Variants in STK39 observed in about 807,000 individuals in gnomAD.
STK39 encodes serine/threonine kinase 39.
Under a neutral mutation model 77.8 loss-of-function variants are expected in STK39, and 20 were observed. The ratio of observed to expected loss-of-function variants is 0.26; its 90% CI spans 0.18 to 0.37. The LOEUF (loss-of-function observed/expected upper bound fraction) is 0.37. STK39 is among the 10% of genes least tolerant of loss of function. The probability of loss-of-function intolerance (pLI) is 1.00; values close to 1 mark genes in which losing one functional copy is unlikely to be tolerated. For missense variants in STK39, 479 were observed against 656.5 expected (o/e 0.73, Z 2.95); for synonymous variants, 246 against 234.1 (o/e 1.05, Z -0.47).
chr2:168,017,190 T>TTA, intron 14 of STK39, 95 bp from the exon 15 acceptor site: 1 of 745,906 alleles, frequency 1.3e-6, no homozygotes, highest in Non-Finnish European at 2.1e-6. Context: ...TACTAACATG[T>TTA]GGATAACATT....
intron 14 of STK39, among the ~76,000 whole-genome samples, chr2:168,024,667 C>T (rs1684652863): frequency 6.6e-6 from 1 of 152,178 alleles, no homozygotes; most frequent in South Asian, 2.1e-4. Context: ...TTACGAATTA[C>T]CCAGTCTATG....
chr2:168,145,882 G>T (rs1688124471), intron 5 of STK39, among the ~76,000 whole-genome samples: 1 of 152,128 alleles, frequency 6.6e-6, no homozygotes, highest in African/African-American at 2.4e-5. Context: ...GTCCAAAGGG[G>T]TTATTATTAG....
intron 16 of STK39, among the ~76,000 whole-genome samples, chr2:167,993,917 T>C (rs1683766312): frequency 6.6e-6 from 1 of 152,236 alleles, no homozygotes; most frequent in African/African-American, 2.4e-5. Flanking sequence ...CTAGGAATGA[T>C]ATATTCCATT....
chr2:168,005,639 C>T (rs995789514), intron 16 of STK39, among the ~76,000 whole-genome samples: 4 of 152,066 alleles, frequency 2.6e-5, no homozygotes, highest in Admixed American at 6.6e-5. Context: ...CCTAAAGATG[C>T]CTTCAGCCTC....
In STK39 at chr2:168,063,546, A is replaced by C. The variant is rs1213082386; in HGVS notation, c.1330T>G (p.Tyr444Asp). The part of the protein sequence containing the change: ...SQGPPNANED[Y>D]REASSCAVNL... ...ACGGCACAAGAAGAAGCTTCTCTGT[A>C]GTCTTCATTAGCATTGGGTGGGCCC... The change falls in exon 14 of 18, where the codon TAC becomes GAC. Residue 444 changes from tyrosine to aspartate, a missense_variant. Coordinates refer to ENST00000355999, the MANE Select transcript of STK39 (RefSeq NM_013233.3). The C allele has an allele frequency of 3.1e-6, 5 of 1,613,104 alleles. No homozygotes were observed. In the Admixed American group the frequency reaches 8.3e-5, roughly 27 times the overall value.
intron 1 of STK39, among the ~76,000 whole-genome samples, chr2:168,246,646 C>G (rs1041830032): frequency 1.1e-4 from 16 of 152,306 alleles, no homozygotes; most frequent in Admixed American, 9.1e-4. Context: ...GGAGTGGCGG[C>G]TGTCAGGAAG....
At chr2:168,141,080 A>G (rs569975734) in intron 5 of STK39, among the ~76,000 whole-genome samples, 1 of 152,338 alleles carries the variant, frequency 6.6e-6, no homozygotes, top group African/African-American at 2.4e-5. Context: ...GAGTATGTCC[A>G]TATGCAAAAA....
intron 1 of STK39, among the ~76,000 whole-genome samples, chr2:168,244,982 T>C (rs891451857): frequency 2.0e-5 from 3 of 152,194 alleles, no homozygotes; most frequent in Non-Finnish European, 4.4e-5. Context: ...ATTTTATTAG[T>C]TCACAAAAAA....
intron 1 of STK39, among the ~76,000 whole-genome samples, chr2:168,220,717 C>G (rs1465001613): frequency 6.6e-6 from 1 of 152,134 alleles, no homozygotes; most frequent in East Asian, 1.9e-4. Flanking sequence ...TAACAGTTCT[C>G]CATTAAATGC....
chr2:168,157,996 G>A (rs904768632), intron 5 of STK39, among the ~76,000 whole-genome samples: 1 of 152,058 alleles, frequency 6.6e-6, no homozygotes, highest in African/African-American at 2.4e-5. Context: ...ATGAATTTCT[G>A]TTTGCTCAAA....
At chr2:167,985,276 A>G (rs1289651068) in intron 16 of STK39, among the ~76,000 whole-genome samples, 1 of 152,242 alleles carries the variant, frequency 6.6e-6, no homozygotes, top group African/African-American at 2.4e-5. Flanking sequence ...TATTGCAAAG[A>G]AGATAAACAA....
chr2:168,212,073 T>A (rs1689904584), intron 1 of STK39, among the ~76,000 whole-genome samples: 1 of 152,164 alleles, frequency 6.6e-6, no homozygotes, highest in Non-Finnish European at 1.5e-5. Flanking sequence ...TTAAAAAATA[T>A]CTCATCCAGT....
chr2:168,144,678 A>C (rs1417788371), intron 5 of STK39, among the ~76,000 whole-genome samples: 1 of 151,978 alleles, frequency 6.6e-6, no homozygotes, highest in East Asian at 1.9e-4. Context: ...TCTTTATAAC[A>C]ACTGTTAGGT....
intron 16 of STK39, among the ~76,000 whole-genome samples, chr2:167,977,416 G>T (rs1332125108): frequency 6.6e-6 from 1 of 152,058 alleles, no homozygotes; most frequent in East Asian, 1.9e-4. Flanking sequence ...GTGATGTACT[G>T]GTAAGCTTAT....
chr2:168,191,326 G>C (rs944681490), intron 1 of STK39, among the ~76,000 whole-genome samples: 2 of 152,020 alleles, frequency 1.3e-5, no homozygotes, highest in Non-Finnish European at 2.9e-5. Flanking sequence ...CAGCCTCCAG[G>C]GGCAATATAC....
At chr2:168,103,584 A>G (rs1686892568) in intron 10 of STK39, among the ~76,000 whole-genome samples, 1 of 152,240 alleles carries the variant, frequency 6.6e-6, no homozygotes, top group South Asian at 2.1e-4. Context: ...AGCAGGATAA[A>G]GGAAGAAAGC....
At chr2:168,085,882 T>C (rs1297604167) in intron 10 of STK39, among the ~76,000 whole-genome samples, 1 of 152,200 alleles carries the variant, frequency 6.6e-6, no homozygotes, top group Non-Finnish European at 1.5e-5. Flanking sequence ...AACATCTATC[T>C]TGCTCACTGG....
chr2:167,983,759 C>T (rs1021038216), intron 16 of STK39, among the ~76,000 whole-genome samples: 1 of 152,124 alleles, frequency 6.6e-6, no homozygotes, highest in African/African-American at 2.4e-5. Context: ...TGACAGCATG[C>T]CCCAGGTCTT....
chr2:168,203,668 C>A (rs1213494297), intron 1 of STK39, among the ~76,000 whole-genome samples: 8 of 152,232 alleles, frequency 5.3e-5, no homozygotes. Flanking sequence ...TCTCGGCTCT[C>A]TGCAACCTCC....
Sources: allele counts gnomAD v4.1 joint callset (sites outside exome capture counted in the v4.1 genomes callset), GRCh38; gene constraint gnomAD v4.1.1; transcripts MANE v1.5; gene names NCBI Gene and HGNC (gene_info 2026-07-23, HGNC 2026-07-21).